The following RHBDD1 variants were observed in gnomAD, a reference collection of about 807,000 sequenced individuals.
RHBDD1 encodes rhomboid-related protein 4.
A neutral mutation model predicts 36.3 loss-of-function variants in RHBDD1; 38 were observed. That is an observed-to-expected ratio of 1.05 (90% confidence interval 0.81 to 1.37). RHBDD1 has a LOEUF of 1.37. Ranked by LOEUF, RHBDD1 falls within the 40% of genes most tolerant of loss-of-function variation. The probability of loss-of-function intolerance (pLI) is 0.00; values close to 1 mark genes in which losing one functional copy is unlikely to be tolerated. For missense variants in RHBDD1, 393 were observed against 377.6 expected (o/e 1.04, Z -0.34); for synonymous variants, 151 against 136.5 (o/e 1.11, Z -0.74).
At chr2:226,916,844 T>G (rs1303738647) in intron 8 of RHBDD1, among the ~76,000 whole-genome samples, 1 of 152,196 alleles carries the variant, frequency 6.6e-6, no homozygotes, top group Non-Finnish European at 1.5e-5. Context: ...CCATCAGTAA[T>G]TATACAGGAA....
intron 5 of RHBDD1, among the ~76,000 whole-genome samples, chr2:226,898,157 G>A (rs544614161): frequency 1.3e-5 from 2 of 152,254 alleles, no homozygotes; most frequent in South Asian, 2.1e-4. Flanking sequence ...CTACAAGGAG[G>A]ATTAAATTTC....
chr2:226,803,472 T>A, the RHBDD1 span, among the ~76,000 whole-genome samples: 1 of 152,184 alleles, frequency 6.6e-6, no homozygotes, highest in South Asian at 2.1e-4. Flanking sequence ...ATGGCAATTA[T>A]TTTTTCCCAC....
intron 5 of RHBDD1, among the ~76,000 whole-genome samples, chr2:226,898,852 A>G (rs139823972): frequency 1.6e-3 from 246 of 152,332 alleles, no homozygotes; most frequent in Middle Eastern, 6.8e-3. Flanking sequence ...CGTGGAGAGT[A>G]CAATAGGCCA....
intron 8 of RHBDD1, among the ~76,000 whole-genome samples, chr2:226,916,146 T>C (rs1395249730): frequency 4.6e-5 from 7 of 152,212 alleles, no homozygotes; most frequent in African/African-American, 1.4e-4. Context: ...TTCCACTGTA[T>C]TCTGTATACT....
intron 8 of RHBDD1, among the ~76,000 whole-genome samples, chr2:226,980,873 A>G (rs1205237606): frequency 6.6e-6 from 1 of 152,212 alleles, no homozygotes; most frequent in East Asian, 1.9e-4. Context: ...GAATTTATAA[A>G]TAATTAATGT....
intron 8 of RHBDD1, among the ~76,000 whole-genome samples, chr2:226,954,185 G>A (rs80022453): frequency 0.017 from 2,543 of 152,280 alleles, 64 homozygotes; most frequent in African/African-American, 0.058. Flanking sequence ...AGGGACAGGG[G>A]AGAGAGAAAC....
intron 6 of RHBDD1, 33 bp downstream of exon 6, chr2:226,906,914 G>T: frequency 6.2e-7 from 1 of 1,605,528 alleles, no homozygotes; most frequent in Non-Finnish European, 8.5e-7. Context: ...CATGACAACA[G>T]CTTGGAAGTT....
At position 226,887,984 on chromosome 2, in the gene RHBDD1, A is replaced by G. The variant is rs1480364162; in HGVS notation, c.567-18809A>G. Among the ~76,000 whole-genome samples, 8 of 152,238 alleles carry G rather than the reference A, an allele frequency of 5.3e-5. No homozygotes were observed. In the South Asian group the frequency reaches 1.7e-3, roughly 31 times the overall value. On this transcript the variant is annotated intron_variant, in intron 5 of 8. Transcript: ENST00000392062. ...ATGCAGATGGTGAAGTAGTTTTCTA[A>G]TAGAAGTCCTGTCTGGTTTATACAG... is the stretch of plus-strand genomic sequence containing the variant.
chr2:226,917,678 GT>G (rs977265578), intron 8 of RHBDD1, among the ~76,000 whole-genome samples: 4 of 151,972 alleles, frequency 2.6e-5, no homozygotes, highest in Middle Eastern at 3.4e-3. Flanking sequence ...AAAATCATAG[GT>G]TTTTTTCTTC....
intron 8 of RHBDD1, among the ~76,000 whole-genome samples, chr2:226,917,275 AC>A (rs1187348234): frequency 6.6e-6 from 1 of 152,078 alleles, no homozygotes; most frequent in African/African-American, 2.4e-5. Flanking sequence ...TCTTAAAAAA[AC>A]TTCTTGTAAA....
chr2:226,902,877 G>C (rs1429267), intron 5 of RHBDD1, among the ~76,000 whole-genome samples: 66,166 of 151,908 alleles, frequency 0.44, 14,597 homozygotes, highest in South Asian at 0.5. Flanking sequence ...AGATAGATAA[G>C]AAATTCATTT....
intron 4 of RHBDD1, 129 bp downstream of exon 4, chr2:226,865,255 G>A: frequency 2.7e-6 from 2 of 732,014 alleles, no homozygotes; most frequent in Non-Finnish European, 4.7e-6. Context: ...TTTGCGTCTT[G>A]AAGAGGAGGC....
At chr2:226,945,579 T>C (rs1950935148) in intron 8 of RHBDD1, among the ~76,000 whole-genome samples, 1 of 152,172 alleles carries the variant, frequency 6.6e-6, no homozygotes, top group African/African-American at 2.4e-5. Flanking sequence ...TTTGGGTTGG[T>C]TCCAAGTCTT....
chr2:226,848,014 G>A (rs550568050), intron 3 of RHBDD1, among the ~76,000 whole-genome samples: 1 of 152,260 alleles, frequency 6.6e-6, no homozygotes, highest in South Asian at 2.1e-4. Context: ...GAAGGTATGG[G>A]TGCTTTTGTT....
intron 8 of RHBDD1, among the ~76,000 whole-genome samples, chr2:226,971,767 A>T (rs952759807): frequency 6.6e-6 from 1 of 152,050 alleles, no homozygotes; most frequent in East Asian, 1.9e-4. Context: ...GTTATCTGTC[A>T]TGTAATTTGT....
Position 226,995,732 on chromosome 2 carries a change from T to A in RHBDD1, c.*210T>A. ...GTGGGCCTTCTCCTGGCCTTGTTCT[T>A]GCTCATAAACAGGTCACTTCCTCCA... On this transcript the variant is annotated 3_prime_UTR_variant, in exon 9 of 9. Coordinates refer to ENST00000392062, the MANE Select transcript of RHBDD1 (RefSeq NM_001167608.3). 2 of 583,750 alleles carry A rather than the reference T, an allele frequency of 3.4e-6. No individual in the cohort carries two copies. The highest frequency in any genetic ancestry group is 3.1e-5 in the Admixed American group (1 of 31,970). The allele number at this position is 583,750 out of a possible 1,614,324, so 36.2% of individuals were successfully genotyped here. A position where few individuals can be genotyped will look rare whatever the true frequency, so the allele number is the denominator to read the frequency against.
At chr2:226,891,141 G>A (rs1247836877) in intron 5 of RHBDD1, among the ~76,000 whole-genome samples, 2 of 152,156 alleles carry the variant, frequency 1.3e-5, no homozygotes, top group Non-Finnish European at 2.9e-5. Context: ...GCTTATCTGG[G>A]TCCTTGGTTT....
chr2:226,957,961 A>G (rs1245356077), intron 8 of RHBDD1, among the ~76,000 whole-genome samples: 1 of 152,076 alleles, frequency 6.6e-6, no homozygotes, highest in Non-Finnish European at 1.5e-5. Flanking sequence ...GTAAAATTGT[A>G]TAGCTGCTTT....
intron 8 of RHBDD1, among the ~76,000 whole-genome samples, chr2:226,956,227 G>C (rs4129884): frequency 2.0e-5 from 3 of 151,722 alleles, no homozygotes; most frequent in Non-Finnish European, 1.5e-5. Context: ...TTGCTCCCAC[G>C]CCCCACTAAG....
Sources: allele counts gnomAD v4.1 joint callset (sites outside exome capture counted in the v4.1 genomes callset), GRCh38; gene constraint gnomAD v4.1.1; transcripts MANE v1.5; gene names NCBI Gene and HGNC (gene_info 2026-07-23, HGNC 2026-07-21).